MYT1L: variants seen among roughly 807,000 people sequenced by gnomAD.
MYT1L encodes the protein myelin transcription factor 1-like protein.
Under a neutral mutation model 126.7 loss-of-function variants are expected in MYT1L, and 12 were observed. The observed-to-expected ratio is 0.09, with a 90% CI of 0.06 to 0.15. The LOEUF is 0.15. MYT1L is among the 10% of genes least tolerant of loss of function. The probability of loss-of-function intolerance (pLI) is 1.00; values close to 1 mark genes in which losing one functional copy is unlikely to be tolerated. For missense variants in MYT1L, 979 were observed against 1,585.2 expected (o/e 0.62, Z 6.49); for synonymous variants, 541 against 604.2 (o/e 0.90, Z 1.53).
intron 4 of MYT1L, among the ~76,000 whole-genome samples, chr2:2,014,610 C>T (rs890054020): frequency 6.6e-6 from 1 of 152,186 alleles, no homozygotes; most frequent in Admixed American, 6.5e-5. Flanking sequence ...CTGGGCATCC[C>T]GGATGGGCAC....
At chr2:2,197,976 ATAAC>A (rs1234205363) in intron 2 of MYT1L, among the ~76,000 whole-genome samples, 1 of 150,496 alleles carries the variant, frequency 6.6e-6, no homozygotes, top group Non-Finnish European at 1.5e-5. Flanking sequence ...ATAGGTATAA[ATAAC>A]ATACATATAT....
At chr2:2,111,165 C>G (rs1302975116) in intron 3 of MYT1L, among the ~76,000 whole-genome samples, 1 of 152,196 alleles carries the variant, frequency 6.6e-6, no homozygotes, top group East Asian at 1.9e-4. Context: ...CCAGCGTCAG[C>G]ACAGCCTAGC....
At chr2:2,205,300 A>T (rs911050347) in intron 2 of MYT1L, among the ~76,000 whole-genome samples, 1 of 152,130 alleles carries the variant, frequency 6.6e-6, no homozygotes, top group Non-Finnish European at 1.5e-5. Context: ...TATACAAAAA[A>T]AGAAAACAGT....
chr2:1,855,794 A>C (rs2043842388), intron 18 of MYT1L, among the ~76,000 whole-genome samples: 1 of 151,178 alleles, frequency 6.6e-6, no homozygotes, highest in South Asian at 2.1e-4. Context: ...TTTCAAGACA[A>C]AAATAGTCCT....
chr2:2,133,919 A>G (rs1391418600), intron 3 of MYT1L, among the ~76,000 whole-genome samples: 2 of 152,196 alleles, frequency 1.3e-5, no homozygotes, highest in African/African-American at 4.8e-5. Flanking sequence ...TAATTTCTTT[A>G]AACTTAACAG....
chr2:2,128,297 A>C (rs11893667), intron 3 of MYT1L, among the ~76,000 whole-genome samples: 55,760 of 151,778 alleles, frequency 0.37, 10,854 homozygotes, highest in African/African-American at 0.51. Context: ...CAGGCACCCA[A>C]CACCACGCCT....
chr2:2,253,229 A>G (rs13006706), intron 2 of MYT1L, among the ~76,000 whole-genome samples: 67,551 of 152,036 alleles, frequency 0.44, 15,704 homozygotes, highest in East Asian at 0.82. Context: ...CCTGGTCTCC[A>G]TTCCAGCTGC....
At chr2:2,281,864 A>C (rs1573127334) in intron 2 of MYT1L, among the ~76,000 whole-genome samples, 1 of 152,276 alleles carries the variant, frequency 6.6e-6, no homozygotes, top group East Asian at 1.9e-4. Context: ...TGCCTTGTTG[A>C]GTTGTAAGCT....
intron 4 of MYT1L, among the ~76,000 whole-genome samples, chr2:2,052,803 G>T (rs1306881874): frequency 2.0e-5 from 3 of 152,176 alleles, no homozygotes; most frequent in Non-Finnish European, 2.9e-5. Context: ...TGGATATGGA[G>T]AAATTGGAAT....
chr2:1,915,050 T>A (rs1192644792), intron 11 of MYT1L, among the ~76,000 whole-genome samples: 2 of 152,096 alleles, frequency 1.3e-5, no homozygotes, highest in Non-Finnish European at 2.9e-5. Flanking sequence ...CCCGGCCTCA[T>A]GCCCATGTCC....
At chr2:1,879,912 T>C (rs559864905) in intron 18 of MYT1L, among the ~76,000 whole-genome samples, 26 of 152,254 alleles carry the variant, frequency 1.7e-4, no homozygotes, top group Non-Finnish European at 3.2e-4. Flanking sequence ...TTGTATTAAA[T>C]GTTTCATAAT....
intron 2 of MYT1L, among the ~76,000 whole-genome samples, chr2:2,229,171 A>T (rs1440917169): frequency 6.6e-6 from 1 of 152,246 alleles, no homozygotes; most frequent in African/African-American, 2.4e-5. Flanking sequence ...TTCTCTATAC[A>T]AATAGAATCA....
At chr2:1,955,133 A>C (rs2058228011) in intron 8 of MYT1L, among the ~76,000 whole-genome samples, 2 of 136,874 alleles carry the variant, frequency 1.5e-5, no homozygotes, top group African/African-American at 3.1e-5. Flanking sequence ...ACAGACAGAG[A>C]GTCCATCTCA....
intron 2 of MYT1L, among the ~76,000 whole-genome samples, chr2:2,222,449 T>C (rs942139400): frequency 5.3e-5 from 8 of 152,018 alleles, no homozygotes; most frequent in African/African-American, 1.5e-4. Flanking sequence ...TGAGACAAGA[T>C]TGTGCCACTG....
intron 3 of MYT1L, among the ~76,000 whole-genome samples, chr2:2,092,684 T>C (rs2077020554): frequency 6.6e-6 from 1 of 152,238 alleles, no homozygotes; most frequent in South Asian, 2.1e-4. Flanking sequence ...CTCATGGCCA[T>C]GGACCTGCAG....
At chr2:1,970,342 C>A (rs2059715628) in intron 8 of MYT1L, among the ~76,000 whole-genome samples, 1 of 152,224 alleles carries the variant, frequency 6.6e-6, no homozygotes, top group Admixed American at 6.5e-5. Context: ...GCCGTGAGTG[C>A]AGATTCCAGG....
intron 3 of MYT1L, among the ~76,000 whole-genome samples, chr2:2,156,855 A>T (rs962631577): frequency 6.6e-6 from 1 of 152,226 alleles, no homozygotes; most frequent in African/African-American, 2.4e-5. Flanking sequence ...AGACAGCAGG[A>T]TCATCGGGGA....
chr2:2,220,506 T>C (rs2093827780), intron 2 of MYT1L, among the ~76,000 whole-genome samples: 1 of 152,080 alleles, frequency 6.6e-6, no homozygotes, highest in Non-Finnish European at 1.5e-5. Context: ...AGATGACAAA[T>C]TGTTTCCTAT....
At chr2:2,073,579 T>TA (rs914068761) in intron 3 of MYT1L, among the ~76,000 whole-genome samples, 1 of 152,042 alleles carries the variant, frequency 6.6e-6, no homozygotes, top group Non-Finnish European at 1.5e-5. Context: ...GCAGAAGAAA[T>TA]AAATCTAAGG....
Sources: allele counts gnomAD v4.1 joint callset (sites outside exome capture counted in the v4.1 genomes callset), GRCh38; gene constraint gnomAD v4.1.1; transcripts MANE v1.5; gene names NCBI Gene and HGNC (gene_info 2026-07-23, HGNC 2026-07-21).